The following NXPE1 variants were observed in gnomAD, a reference collection of about 807,000 sequenced individuals.
NXPE1 encodes NXPE family member 1.
NXPE1 carries 31 observed loss-of-function variants against 33.3 expected under a neutral mutation model. That is an observed-to-expected ratio of 0.93 (90% CI 0.70 to 1.26). NXPE1 has a LOEUF of 1.26. Ranked by LOEUF, NXPE1 falls within the 50% of genes most tolerant of loss-of-function variation. The pLI is 0.00. For missense variants in NXPE1, 661 were observed against 655.6 expected (o/e 1.01, Z -0.09); for synonymous variants, 229 against 231.4 (o/e 0.99, Z 0.09).
intron 5 of NXPE1, among the ~76,000 whole-genome samples, chr11:114,537,204 GA>G (rs1162403793): frequency 6.6e-6 from 1 of 152,174 alleles, no homozygotes; most frequent in Non-Finnish European, 1.5e-5. Context: ...AATAGATGCA[GA>G]AAGGGCCTTT....
chr11:114,530,581 T>A, exon 6 of NXPE1: 1 of 1,613,992 alleles, frequency 6.2e-7, no homozygotes, highest in Non-Finnish European at 8.5e-7. Context: ...GGGGAGGACA[T>A]CCTGGCCCTC....
intron 5 of NXPE1, among the ~76,000 whole-genome samples, chr11:114,540,501 C>T (rs1416913536): frequency 6.6e-6 from 1 of 152,080 alleles, no homozygotes; most frequent in African/African-American, 2.4e-5. Flanking sequence ...AGAATTGAAA[C>T]ACTGAGAAAT....
At chr11:114,550,090 A>G (rs1488131264) in intron 5 of NXPE1, among the ~76,000 whole-genome samples, 5 of 152,256 alleles carry the variant, frequency 3.3e-5, no homozygotes, top group African/African-American at 4.8e-5. Context: ...AAAGGAAACC[A>G]TGTCCTTGGA....
At chr11:114,530,483 C>T (rs751414218) in exon 6 of NXPE1, 1 of 1,614,098 alleles carries the variant, frequency 6.2e-7, no homozygotes, top group African/African-American at 1.3e-5. Flanking sequence ...ACAGGGAGAC[C>T]TGGCCCTCCC....
chr11:114,530,589 C>T (rs1271299387), exon 6 of NXPE1: 6 of 1,614,150 alleles, frequency 3.7e-6, no homozygotes, highest in East Asian at 2.2e-5. Context: ...CATCCTGGCC[C>T]TCAGGAAATC....
chr11:114,535,110 G>C (rs1016148055), intron 5 of NXPE1, among the ~76,000 whole-genome samples: 4 of 152,238 alleles, frequency 2.6e-5, no homozygotes, highest in Non-Finnish European at 5.9e-5. Context: ...AGCCAGAAGA[G>C]AGTGGGGACC....
At chr11:114,530,320 G>A (rs747793989) in exon 6 of NXPE1, 13 of 1,614,218 alleles carry the variant, frequency 8.1e-6, no homozygotes, top group African/African-American at 1.3e-5. Flanking sequence ...TATTCACAGA[G>A]TTCAGCATTT....
chr11:114,521,368 A>AATCT (rs1412971470), downstream of NXPE1, among the ~76,000 whole-genome samples: 1 of 152,180 alleles, frequency 6.6e-6, no homozygotes, highest in Non-Finnish European at 1.5e-5. Context: ...TGCTAAAACT[A>AATCT]ATCTATCTAT....
At chr11:114,532,486 G>C (rs1207147700) in intron 5 of NXPE1, among the ~76,000 whole-genome samples, 1 of 152,114 alleles carries the variant, frequency 6.6e-6, no homozygotes, top group East Asian at 1.9e-4. Flanking sequence ...TAATCATCAT[G>C]ATGATAAACC....
exon 6 of NXPE1, chr11:114,530,217 T>C: frequency 6.2e-7 from 1 of 1,613,052 alleles, no homozygotes; most frequent in Non-Finnish European, 8.5e-7. Flanking sequence ...ATAAGATACC[T>C]CTCTATTCCG....
chr11:114,520,273 C>T (rs534492579), downstream of NXPE1, among the ~76,000 whole-genome samples: 1 of 152,116 alleles, frequency 6.6e-6, no homozygotes, highest in African/African-American at 2.4e-5. Flanking sequence ...TCTCTTCCTC[C>T]CAGCCTGGAT....
At chr11:114,541,655 G>A (rs1473309558) in intron 5 of NXPE1, among the ~76,000 whole-genome samples, 1 of 152,152 alleles carries the variant, frequency 6.6e-6, no homozygotes, top group Non-Finnish European at 1.5e-5. Context: ...AGAAAGGCAG[G>A]ACAATTTGAA....
At chr11:114,556,592 G>A (rs1199450002) in intron 1 of NXPE1, among the ~76,000 whole-genome samples, 1 of 151,980 alleles carries the variant, frequency 6.6e-6, no homozygotes, top group Non-Finnish European at 1.5e-5. Context: ...AGCCCTTAAA[G>A]CTGGCTCCCA....
chr11:114,521,783 A>C, exon 9 of NXPE1: 2 of 547,858 alleles, frequency 3.7e-6, no homozygotes, highest in South Asian at 6.0e-5. Context: ...GTCATTCTTC[A>C]TGAATGATTC....
At chr11:114,529,341 T>A (rs1947488302) in intron 6 of NXPE1, 1 of 152,416 alleles carries the variant, frequency 6.6e-6, no homozygotes, top group South Asian at 2.1e-4. Flanking sequence ...GTTCTGGGAT[T>A]TGTGATAACA....
At chr11:114,543,811 A>G (rs1010658552) in intron 5 of NXPE1, among the ~76,000 whole-genome samples, 2 of 152,218 alleles carry the variant, frequency 1.3e-5, no homozygotes, top group African/African-American at 2.4e-5. Flanking sequence ...TTAACAAATT[A>G]CATGACTGTC....
At chr11:114,533,562 C>T (rs1295430864) in intron 5 of NXPE1, among the ~76,000 whole-genome samples, 1 of 152,188 alleles carries the variant, frequency 6.6e-6, no homozygotes, top group Non-Finnish European at 1.5e-5. Flanking sequence ...CAGATGGCAC[C>T]TGGAAAATCG....
At chr11:114,539,050 A>G (rs1947971605) in intron 5 of NXPE1, among the ~76,000 whole-genome samples, 1 of 152,206 alleles carries the variant, frequency 6.6e-6, no homozygotes. Context: ...TCCAACAATG[A>G]TAGACTGGAT....
At chr11:114,558,182 A>G (rs1192006872) in intron 1 of NXPE1, among the ~76,000 whole-genome samples, 1 of 152,092 alleles carries the variant, frequency 6.6e-6, no homozygotes, top group Non-Finnish European at 1.5e-5. Flanking sequence ...TAAACTATAC[A>G]CACATCTATG....
Sources: gnomAD v4.1 joint callset for allele counts (sites outside exome capture counted in the v4.1 genomes callset) on GRCh38, gnomAD v4.1.1 for gene constraint, MANE v1.5 for transcripts, NCBI Gene and HGNC (gene_info 2026-07-23, HGNC 2026-07-21) for gene names.